TGM6: variants seen among roughly 807,000 people sequenced by gnomAD.
TGM6 encodes protein-glutamine gamma-glutamyltransferase 6.
A neutral mutation model predicts 77.5 loss-of-function variants in TGM6; 74 were observed. That is an observed-to-expected ratio of 0.96 (90% confidence interval 0.79 to 1.16). The LOEUF is 1.16. Ranked by LOEUF, TGM6 falls within the 50% of genes most tolerant of loss-of-function variation. The pLI is 0.00. For missense variants in TGM6, 968 were observed against 940.2 expected (o/e 1.03, Z -0.39); for synonymous variants, 383 against 378.9 (o/e 1.01, Z -0.12).
intron 10 of TGM6, among the ~76,000 whole-genome samples, chr20:2,418,158 G>A (rs527935434): frequency 4.6e-5 from 7 of 152,128 alleles, no homozygotes; most frequent in East Asian, 1.9e-4. Flanking sequence ...GACTACAGGC[G>A]TGCACCACCA....
In TGM6 at chr20:2,413,289, C is replaced by T. The variant is rs147177777; in HGVS notation, c.1337-3943C>T. Reference sequence around the variant, plus strand: ...AAATTAGCTGAGTGTGGTGGCATGGCTACCAGCTACTCAGGAGGCTGAGGT... The same window carrying T: ...AAATTAGCTGAGTGTGGTGGCATGGTTACCAGCTACTCAGGAGGCTGAGGT... On this transcript the variant is annotated intron_variant, in intron 9 of 12. Transcript: ENST00000202625. Among the ~76,000 whole-genome samples, 458 of 152,206 alleles carry T rather than the reference C, an allele frequency of 3.0e-3. 4 individuals are homozygous for T. Among genetic ancestry groups the T allele is most frequent in the African/African-American group, 0.01 (426 of 41,520 alleles).
intron 1 of TGM6, among the ~76,000 whole-genome samples, chr20:2,390,597 C>G (rs1023648974): frequency 6.6e-6 from 1 of 152,220 alleles, no homozygotes; most frequent in South Asian, 2.1e-4. Context: ...AAAACAGACA[C>G]AGCTCCCTGC....
chr20:2,411,622 G>A (rs751362629), intron 9 of TGM6, among the ~76,000 whole-genome samples: 52 of 152,128 alleles, frequency 3.4e-4, no homozygotes, highest in South Asian at 6.2e-4. Context: ...ATGTTGATTC[G>A]TCATTTTTAT....
chr20:2,427,199 G>A (rs1287849986), intron 10 of TGM6, among the ~76,000 whole-genome samples: 1 of 152,028 alleles, frequency 6.6e-6, no homozygotes, highest in Non-Finnish European at 1.5e-5. Context: ...TATTCATGTT[G>A]TCTGTTTCTT....
intron 5 of TGM6, among the ~76,000 whole-genome samples, 160 bp downstream of exon 5, chr20:2,398,206 T>C (rs546491231): frequency 2.0e-5 from 3 of 152,264 alleles, no homozygotes; most frequent in African/African-American, 7.2e-5. Flanking sequence ...AACCCTTTAT[T>C]ATGCTTACTG....
intron 10 of TGM6, among the ~76,000 whole-genome samples, chr20:2,422,660 G>A (rs2084864247): frequency 6.6e-6 from 1 of 152,126 alleles, no homozygotes; most frequent in Non-Finnish European, 1.5e-5. Flanking sequence ...GCCAGGCACA[G>A]GCGGTGCATA....
At chr20:2,394,897 G>GTCAAGCAC (rs996301756) in intron 2 of TGM6, among the ~76,000 whole-genome samples, 1 of 152,194 alleles carries the variant, frequency 6.6e-6, no homozygotes, top group Non-Finnish European at 1.5e-5. Context: ...ATGAAAACCC[G>GTCAAGCAC]TCAAGCACTT....
intron 10 of TGM6, among the ~76,000 whole-genome samples, chr20:2,421,261 A>C (rs1284997033): frequency 3.9e-5 from 6 of 152,234 alleles, no homozygotes; most frequent in African/African-American, 1.4e-4. Flanking sequence ...CTGGGATTAC[A>C]GGCATGAGCC....
At chr20:2,410,687 T>C (rs113430485) in intron 9 of TGM6, among the ~76,000 whole-genome samples, 6 of 152,114 alleles carry the variant, frequency 3.9e-5, no homozygotes, top group Admixed American at 6.5e-5. Context: ...ACTGTTAGAA[T>C]TGAATTGAAC....
intron 9 of TGM6, among the ~76,000 whole-genome samples, chr20:2,412,925 T>A (rs2122397454): frequency 6.6e-6 from 1 of 152,162 alleles, no homozygotes; most frequent in Non-Finnish European, 1.5e-5. Context: ...ATCGAAAGGG[T>A]TTATATTGTT....
intron 9 of TGM6, among the ~76,000 whole-genome samples, chr20:2,414,696 C>A (rs1382674679): frequency 6.6e-6 from 1 of 152,108 alleles, no homozygotes; most frequent in African/African-American, 2.4e-5. Flanking sequence ...GTATATCCAT[C>A]CAATGGAATG....
chr20:2,424,224 T>C (rs1433157798), intron 10 of TGM6, among the ~76,000 whole-genome samples: 1 of 152,206 alleles, frequency 6.6e-6, no homozygotes, highest in East Asian at 1.9e-4. Context: ...TTGACTTCTG[T>C]CCCGCTATGA....
At chr20:2,383,161 T>C (rs1024793846) in intron 1 of TGM6, among the ~76,000 whole-genome samples, 6 of 152,212 alleles carry the variant, frequency 3.9e-5, no homozygotes, top group African/African-American at 1.4e-4. Context: ...CAGGTGCTCA[T>C]GATGCGTACT....
chr20:2,419,217 T>G (rs1163664778), intron 10 of TGM6, among the ~76,000 whole-genome samples: 1 of 152,202 alleles, frequency 6.6e-6, no homozygotes, highest in African/African-American at 2.4e-5. Context: ...TCTATCTCTC[T>G]CAGTCTATCT....
At chr20:2,381,092 G>C (rs1568649197) in intron 1 of TGM6, 117 bp downstream of exon 1, 4 of 1,436,290 alleles carry the variant, frequency 2.8e-6, no homozygotes, top group Non-Finnish European at 3.8e-6. Context: ...CAGCTGGATA[G>C]TCCACCATGA....
chr20:2,392,515 G>A (rs1212637325), intron 1 of TGM6, among the ~76,000 whole-genome samples: 4 of 152,296 alleles, frequency 2.6e-5, no homozygotes. Context: ...CGATGATTGA[G>A]CTCTCATGTT....
At chr20:2,424,966 T>G (rs1358825428) in intron 10 of TGM6, among the ~76,000 whole-genome samples, 1 of 152,188 alleles carries the variant, frequency 6.6e-6, no homozygotes, top group African/African-American at 2.4e-5. Flanking sequence ...ACATGACATT[T>G]TTTAATTAAG....
intron 9 of TGM6, among the ~76,000 whole-genome samples, chr20:2,414,940 G>GT (rs1348588692): frequency 7.1e-6 from 1 of 140,390 alleles, no homozygotes; most frequent in South Asian, 2.5e-4. Context: ...AATTTGGGGG[G>GT]GGGGGTGAAA....
At chr20:2,404,295 G>A (rs16984996) in intron 9 of TGM6, among the ~76,000 whole-genome samples, 1 of 152,100 alleles carries the variant, frequency 6.6e-6, no homozygotes, top group Admixed American at 6.5e-5. Flanking sequence ...TCATTGAAGA[G>A]CCCCTACTTG....
Sources: allele counts gnomAD v4.1 joint callset (sites outside exome capture counted in the v4.1 genomes callset), GRCh38; gene constraint gnomAD v4.1.1; transcripts MANE v1.5; gene names NCBI Gene and HGNC (gene_info 2026-07-23, HGNC 2026-07-21).